ARFGEF2: variants seen among roughly 807,000 people sequenced by gnomAD.
ARFGEF2 encodes the protein ARF guanine nucleotide exchange factor 2, also known as brefeldin A-inhibited guanine nucleotide-exchange protein 2.
In ARFGEF2, 74 loss-of-function variants were observed where a neutral mutation model predicts 219.9. The ratio of observed to expected loss-of-function variants is 0.34; its 90% CI spans 0.28 to 0.41. The LOEUF (loss-of-function observed/expected upper bound fraction) is 0.41, where lower values mean the gene tolerates loss of function less well. ARFGEF2 is among the 10% of genes least tolerant of loss of function. The probability of loss-of-function intolerance (pLI) is 1.00; values close to 1 mark genes in which losing one functional copy is unlikely to be tolerated. For synonymous variants in ARFGEF2, 733 were observed against 799.2 expected (o/e 0.92, Z 1.40); for missense variants, 1,743 against 2,218.3 (o/e 0.79, Z 4.30).
intron 25 of ARFGEF2, among the ~76,000 whole-genome samples, chr20:49,001,056 T>G (rs2091422088): frequency 8.8e-4 from 4 of 4,524 alleles, no homozygotes; most frequent in South Asian, 0.015. Flanking sequence ...CAGGAACTCT[T>G]TTTTTTTTTT....
At chr20:48,968,466 G>T (rs932976830) in intron 8 of ARFGEF2, among the ~76,000 whole-genome samples, 1 of 150,140 alleles carries the variant, frequency 6.7e-6, no homozygotes, top group Non-Finnish European at 1.5e-5. Context: ...GCAGTGCCGC[G>T]ATCTCGGCTC....
rs1568682531 is a variant in ARFGEF2, at chr20:48,921,847, GCCGC to G, written c.-34_-31del. On this transcript the variant is annotated 5_prime_UTR_variant, in exon 1 of 39. Transcript: ENST00000371917. ...CAGCCTAGCTCGCCATCTCGCTCAC[GCCGC>G]CCGCCCGCGGGGCCGTCAGCCCCCG... The G allele has an allele frequency of 2.0e-6, 3 of 1,487,502 alleles. No individual in the cohort carries two copies. In the African/African-American group the frequency reaches 4.4e-5, roughly 22 times the overall value. The allele number at this position is 1,487,502 out of a possible 1,614,324, so 92.1% of individuals were successfully genotyped here.
intron 6 of ARFGEF2, among the ~76,000 whole-genome samples, chr20:48,959,467 TCTTC>T (rs2091127913): frequency 4.3e-4 from 1 of 2,306 alleles, no homozygotes; most frequent in Non-Finnish European, 8.9e-4. Context: ...CTCCCTCCCT[TCTTC>T]TCTCCTTCTC....
At chr20:48,977,240 T>C (rs1450986598) in intron 14 of ARFGEF2, among the ~76,000 whole-genome samples, 1 of 151,978 alleles carries the variant, frequency 6.6e-6, no homozygotes, top group African/African-American at 2.4e-5. Flanking sequence ...TGGTTTTCTG[T>C]CCTTGTGATA....
chr20:49,019,486 C>T (rs1487721574), intron 34 of ARFGEF2, among the ~76,000 whole-genome samples: 1 of 152,178 alleles, frequency 6.6e-6, no homozygotes, highest in East Asian at 1.9e-4. Flanking sequence ...TTGAGTTGCT[C>T]TTAACAGACA....
At chr20:49,023,282 G>C (rs2091577842) in intron 35 of ARFGEF2, 101 bp downstream of exon 35, 6 of 1,485,480 alleles carry the variant, frequency 4.0e-6, no homozygotes, top group Non-Finnish European at 5.5e-6. Context: ...TCCAGAGCCT[G>C]TCATGCTCAT....
At chr20:49,013,730 C>T (rs1267317367) in intron 29 of ARFGEF2, 36 bp downstream of exon 29, 3 of 1,614,058 alleles carry the variant, frequency 1.9e-6, no homozygotes, top group Non-Finnish European at 2.5e-6. Context: ...CCTTACATCA[C>T]TGAAATGAAC....
At position 49,012,187 on chromosome 20, in the gene ARFGEF2, ATG is replaced by A. The variant is rs2091504042; in HGVS notation, c.3918+109_3918+110del. 3.4e-6 allele frequency: 5 copies of A among 1,485,464 alleles called. No individual in the cohort carries two copies. The East Asian group carries it at 1.1e-4, about 34-fold the overall frequency. 92.0% of individuals were successfully genotyped at this position (1,485,464 alleles called of 1,614,324 possible). On this transcript the variant is annotated intron_variant, in intron 28 of 38. Transcript: ENST00000371917. ...GAGCTTTCCAGCTACTCTTTTAGAA[ATG>A]TGTGTTTGCCCTAAATTAGGTGTTT... is the stretch of plus-strand genomic sequence containing the variant.
At chr20:49,024,328 A>G (rs1193998659) in intron 35 of ARFGEF2, among the ~76,000 whole-genome samples, 1 of 152,192 alleles carries the variant, frequency 6.6e-6, no homozygotes, top group Non-Finnish European at 1.5e-5. Flanking sequence ...TTGGACAGTT[A>G]TCCTACACCA....
intron 21 of ARFGEF2, among the ~76,000 whole-genome samples, chr20:48,992,344 C>A (rs553808107): frequency 6.6e-5 from 10 of 152,116 alleles, no homozygotes; most frequent in Admixed American, 5.2e-4. Flanking sequence ...ACATGTATTA[C>A]TTTTTTGTTT....
intron 1 of ARFGEF2, among the ~76,000 whole-genome samples, chr20:48,924,720 G>A (rs1475803283): frequency 6.6e-6 from 1 of 152,172 alleles, no homozygotes; most frequent in Admixed American, 6.5e-5. Flanking sequence ...CATATTAGGG[G>A]AGAGGATCAG....
At chr20:48,959,905 C>T (rs920539150) in intron 6 of ARFGEF2, among the ~76,000 whole-genome samples, 1 of 151,788 alleles carries the variant, frequency 6.6e-6, no homozygotes, top group Non-Finnish European at 1.5e-5. Context: ...CCCACCAGAA[C>T]GTTTTATATT....
chr20:48,988,353 A>G lies in ARFGEF2; in HGVS notation c.2326A>G (p.Ile776Val). ...CACTGCTTATGTCCTAGCGTATTCAATTATTATGCTGACTACAGACTTGCA... is the reference window on the plus strand; with the variant it reads ...CACTGCTTATGTCCTAGCGTATTCAGTTATTATGCTGACTACAGACTTGCA... ...ADTAYVLAYS[I>V]IMLTTDLHSP... Residue 776 changes from isoleucine to valine, a missense_variant, in exon 17 of 39, where the codon ATT (isoleucine) becomes GTT (valine). Ile to Val is a conservative substitution (Grantham distance 29). Coordinates refer to ENST00000371917, the MANE Select transcript of ARFGEF2 (RefSeq NM_006420.3). 8 of 1,613,770 alleles carry G rather than the reference A, an allele frequency of 5.0e-6. No individual in the cohort carries two copies. The highest frequency in any genetic ancestry group is 2.2e-5 in the East Asian group (1 of 44,876).
At chr20:49,032,301 T>C (rs1453499690) in intron 38 of ARFGEF2, 135 bp downstream of exon 38, 3 of 745,194 alleles carry the variant, frequency 4.0e-6, no homozygotes, top group Non-Finnish European at 7.3e-6. Context: ...TCTAGATGCA[T>C]TGGAGAGAAG....
chr20:48,972,283 G>A (rs752436209), intron 10 of ARFGEF2, 43 bp from the exon 11 acceptor site: 3 of 1,438,326 alleles, frequency 2.1e-6, no homozygotes, highest in South Asian at 1.1e-5. Context: ...AGCCCTGGTT[G>A]AAACTGTTAA....
At chr20:48,988,244 G>A (rs920953853) in intron 16 of ARFGEF2, 60 bp from the exon 17 acceptor site, 14 of 1,242,196 alleles carry the variant, frequency 1.1e-5, no homozygotes, top group African/African-American at 1.0e-4. Flanking sequence ...GTCTCTGTTA[G>A]CATTGTACCT....
intron 1 of ARFGEF2, among the ~76,000 whole-genome samples, chr20:48,936,455 G>C (rs2123299829): frequency 6.6e-6 from 1 of 151,954 alleles, no homozygotes. Context: ...TTCTCAGACG[G>C]GGCGGCTGCC....
chr20:48,927,114 C>T (rs2123266491), intron 1 of ARFGEF2, among the ~76,000 whole-genome samples: 1 of 151,558 alleles, frequency 6.6e-6, no homozygotes. Flanking sequence ...AGGAGTGGCT[C>T]CTGGGAGTTG....
At chr20:49,012,300 A>G (rs532169510) in intron 28 of ARFGEF2, among the ~76,000 whole-genome samples, 76 of 152,310 alleles carry the variant, frequency 5.0e-4, no homozygotes, top group Non-Finnish European at 9.8e-4. Flanking sequence ...TACTGAATCT[A>G]TGGTATTCTA....
Sources: gnomAD v4.1 joint callset for allele counts (sites outside exome capture counted in the v4.1 genomes callset) on GRCh38, gnomAD v4.1.1 for gene constraint, MANE v1.5 for transcripts, NCBI Gene and HGNC (gene_info 2026-07-23, HGNC 2026-07-21) for gene names.